KCNT2: variants seen among roughly 807,000 people sequenced by gnomAD.
The protein encoded by KCNT2 is potassium channel subfamily T member 2.
Under a neutral mutation model 153.8 loss-of-function variants are expected in KCNT2, and 67 were observed. The ratio of observed to expected loss-of-function variants is 0.44; its 90% CI spans 0.36 to 0.53. KCNT2 has a LOEUF of 0.53. Among genes scored for constraint, KCNT2 ranks in the 20% least tolerant of loss-of-function variants. The pLI, the probability that KCNT2 is intolerant of heterozygous loss-of-function variation, is 0.00. For missense variants in KCNT2, 975 were observed against 1,354.8 expected, an observed-to-expected ratio of 0.72 and a Z score of 4.40; for synonymous variants, 500 against 458.8, an observed-to-expected ratio of 1.09 and a Z score of -1.15.
rs773955949 is a variant in KCNT2 at position 196,489,870 on chromosome 1, T to C, written c.243A>G (p.Val81=). The C allele has an allele frequency of 3.1e-6, 5 of 1,589,810 alleles. No individual in the cohort carries two copies. Among genetic ancestry groups the C allele is most frequent in the South Asian group, 1.1e-5 (1 of 87,542 alleles). ...LLSCLLYIIR[V]LLENPSQGNE... is the part of the protein sequence containing the mutation. ...TTCCTTGTGAAGGGTTTTCTAGTAG[T>C]ACTCGGATTATGTATAATAAGCAGC... Residue 81 remains valine (V), a synonymous_variant, in exon 3 of 28, where the codon GTA becomes GTG. Coordinates refer to ENST00000294725, the MANE Select transcript of KCNT2 (RefSeq NM_198503.5).
At chr1:196,565,612 T>C (rs1660016724) in intron 1 of KCNT2, among the ~76,000 whole-genome samples, 1 of 149,538 alleles carries the variant, frequency 6.7e-6, no homozygotes, top group Admixed American at 6.7e-5. Flanking sequence ...TATATATATG[T>C]ATATATGTTG....
chr1:196,454,538 G>T (rs1489743940), intron 8 of KCNT2, among the ~76,000 whole-genome samples: 1 of 151,862 alleles, frequency 6.6e-6, no homozygotes. Context: ...TGCTGCAAAA[G>T]ACATGACTGT....
At chr1:196,236,533 G>C (rs1654458363) in intron 26 of KCNT2, among the ~76,000 whole-genome samples, 1 of 151,290 alleles carries the variant, frequency 6.6e-6, no homozygotes, top group Non-Finnish European at 1.5e-5. Context: ...TGTCTAAAAA[G>C]CTTGAAGACC....
chr1:196,309,800 A>T (rs930458435), intron 21 of KCNT2, among the ~76,000 whole-genome samples: 2 of 151,910 alleles, frequency 1.3e-5, no homozygotes, highest in Non-Finnish European at 2.9e-5. Flanking sequence ...TGCATGTAGA[A>T]CATTTTAGAA....
intron 13 of KCNT2, among the ~76,000 whole-genome samples, chr1:196,373,756 A>AATTTTTGATTCATAGAAG (rs1668721335): frequency 6.6e-6 from 1 of 151,922 alleles, no homozygotes; most frequent in Non-Finnish European, 1.5e-5. Context: ...AGCATAGAAG[A>AATTTTTGATTCATAGAAG]AATATATTTG....
chr1:196,564,624 C>T (rs1341001623), intron 1 of KCNT2, among the ~76,000 whole-genome samples: 3 of 151,886 alleles, frequency 2.0e-5, no homozygotes, highest in Non-Finnish European at 4.4e-5. Context: ...GTAATCAAAA[C>T]AGCATAGTAC....
intron 1 of KCNT2, among the ~76,000 whole-genome samples, chr1:196,549,863 G>C (rs1357413971): frequency 6.6e-6 from 1 of 151,852 alleles, no homozygotes; most frequent in East Asian, 1.9e-4. Context: ...TTTGCAAGAA[G>C]GAAAGAGTTC....
At chr1:196,585,328 G>C (rs375759271) in intron 1 of KCNT2, among the ~76,000 whole-genome samples, 39 of 152,226 alleles carry the variant, frequency 2.6e-4, no homozygotes, top group African/African-American at 8.9e-4. Flanking sequence ...AAGAGAGGAT[G>C]GGACTTGACT....
chr1:196,243,133 T>G (rs1372522104), intron 26 of KCNT2, among the ~76,000 whole-genome samples: 1 of 152,186 alleles, frequency 6.6e-6, no homozygotes, highest in African/African-American at 2.4e-5. Context: ...CTAGGAATAA[T>G]AAAATGTGTT....
At chr1:196,292,405 CA>C (rs1334062390) in intron 22 of KCNT2, among the ~76,000 whole-genome samples, 3 of 152,182 alleles carry the variant, frequency 2.0e-5, no homozygotes, top group Non-Finnish European at 2.9e-5. Context: ...CTTCTAAGAT[CA>C]GGGGCAAAGT....
At chr1:196,364,898 G>A (rs1280572991) in intron 14 of KCNT2, among the ~76,000 whole-genome samples, 2 of 151,936 alleles carry the variant, frequency 1.3e-5, no homozygotes, top group African/African-American at 2.4e-5. Context: ...CACCTCTGAG[G>A]AACATATTTA....
chr1:196,273,869 A>C (rs1286279845), intron 25 of KCNT2, among the ~76,000 whole-genome samples: 1 of 151,664 alleles, frequency 6.6e-6, no homozygotes, highest in East Asian at 1.9e-4. Flanking sequence ...TCCATACACT[A>C]TAAATGATAT....
intron 26 of KCNT2, among the ~76,000 whole-genome samples, chr1:196,250,999 G>A (rs1231845850): frequency 1.3e-5 from 2 of 152,056 alleles, no homozygotes. Context: ...TGGAGTAAAG[G>A]GAACCCTTGT....
chr1:196,240,498 G>A (rs1654853850), intron 26 of KCNT2, among the ~76,000 whole-genome samples: 1 of 151,910 alleles, frequency 6.6e-6, no homozygotes, highest in South Asian at 2.1e-4. Flanking sequence ...TATTATAGTA[G>A]CAGGCAAAAT....
chr1:196,545,053 C>A (rs1377958550), intron 1 of KCNT2, among the ~76,000 whole-genome samples: 2 of 151,910 alleles, frequency 1.3e-5, no homozygotes, highest in Non-Finnish European at 2.9e-5. Flanking sequence ...TTTAAAAATC[C>A]TAGCCCAGTG....
intron 1 of KCNT2, among the ~76,000 whole-genome samples, chr1:196,544,344 T>C (rs1191793192): frequency 6.6e-6 from 1 of 151,952 alleles, no homozygotes; most frequent in East Asian, 1.9e-4. Context: ...TTGAGGCATA[T>C]ATTGGAAAAA....
At chr1:196,352,708 A>C (rs528043218) in intron 14 of KCNT2, among the ~76,000 whole-genome samples, 4 of 152,038 alleles carry the variant, frequency 2.6e-5, no homozygotes, top group Admixed American at 2.6e-4. Flanking sequence ...TATTTCTGTC[A>C]GTTCTGCTCT....
chr1:196,559,432 T>C (rs1659096478), intron 1 of KCNT2, among the ~76,000 whole-genome samples: 1 of 151,748 alleles, frequency 6.6e-6, no homozygotes, highest in Non-Finnish European at 1.5e-5. Context: ...TATGCTGTTA[T>C]AAATGAACTA....
At chr1:196,549,870 G>A (rs1016894026) in intron 1 of KCNT2, among the ~76,000 whole-genome samples, 2 of 151,892 alleles carry the variant, frequency 1.3e-5, no homozygotes, top group African/African-American at 4.8e-5. Flanking sequence ...GAAGGAAAGA[G>A]TTCAGTAGGA....
Sources: gnomAD v4.1 joint callset for allele counts (sites outside exome capture counted in the v4.1 genomes callset) on GRCh38, gnomAD v4.1.1 for gene constraint, MANE v1.5 for transcripts, NCBI Gene and HGNC (gene_info 2026-07-23, HGNC 2026-07-21) for gene names.